Variants in PDGFA observed in about 807,000 individuals in gnomAD.
The protein encoded by PDGFA is platelet derived growth factor subunit A.
PDGFA carries 9 observed loss-of-function variants against 25.6 expected under a neutral mutation model. The observed-to-expected ratio is 0.35, with a 90% CI of 0.21 to 0.61. The LOEUF (loss-of-function observed/expected upper bound fraction) is 0.61, where lower values mean the gene tolerates loss of function less well. Among genes scored for constraint, PDGFA ranks in the 20% least tolerant of loss-of-function variants. The pLI is 0.75. For synonymous variants in PDGFA, 133 were observed against 111.8 expected, an observed-to-expected ratio of 1.19 and a Z score of -1.20; for missense variants, 242 against 272.8, an observed-to-expected ratio of 0.89 and a Z score of 0.79.
intron 3 of PDGFA, among the ~76,000 whole-genome samples, chr7:511,890 G>A (rs2128401638): frequency 6.6e-6 from 1 of 152,228 alleles, no homozygotes. Flanking sequence ...ACACGGGTGT[G>A]GTGAGGGTGT....
Position 500,644 on chromosome 7 carries a change from C to A in PDGFA, c.580+472G>T. 6.7e-7 allele frequency: 1 copy of A among 1,484,690 alleles called. No individual in the cohort carries two copies. The highest frequency in any genetic ancestry group is 8.9e-7 in the Non-Finnish European group (1 of 1,123,144). 92.0% of individuals were successfully genotyped at this position (1,484,690 alleles called of 1,614,324 possible). ...GCACCGAGAAACTTCTGAGTCCCCT[C>A]ATGCTCCCAGGGCCCAGCCATAGCA... On this transcript the variant is annotated intron_variant, in intron 5 of 5. Transcript: ENST00000402802. The surrounding 1 kb of genome is among the most constrained non-coding windows in gnomAD (Gnocchi z 5.0).
rs988463436 is a variant in PDGFA, at chr7:517,045, T to C, written c.160+349A>G. ...GCCCGCCCGGCGCACGGGCCAGGGCTCTGCGCCCAGGGTCTGGGCCGGATC... is the reference window on the plus strand; with the variant it reads ...GCCCGCCCGGCGCACGGGCCAGGGCCCTGCGCCCAGGGTCTGGGCCGGATC... On this transcript the variant is annotated intron_variant, in intron 2 of 5. Transcript: ENST00000402802. This position sits in a 1 kb window ranked among gnomAD's most constrained non-coding sequence, Gnocchi z 7.4. 4.0e-5 allele frequency among the ~76,000 whole-genome samples: 6 copies of C among 150,556 alleles called. No individual in the cohort carries two copies. Among genetic ancestry groups the C allele is most frequent in the Non-Finnish European group, 7.4e-5 (5 of 67,596 alleles).
At position 513,027 on chromosome 7, in the gene PDGFA, G is replaced by T. The variant is rs530935017; in HGVS notation, c.161-572C>A. 3.7e-5 allele frequency: 7 copies of T among 189,050 alleles called. No homozygotes were observed. The East Asian group carries it at 7.4e-4, about 20-fold the overall frequency. The allele number at this position is 189,050 out of a possible 1,614,324, so 11.7% of individuals were successfully genotyped here. A position where few individuals can be genotyped will look rare whatever the true frequency, so the allele number is the denominator to read the frequency against. On this transcript the variant is annotated intron_variant, in intron 2 of 5. Coordinates refer to ENST00000402802, the Ensembl canonical transcript of PDGFA. Reference sequence around the variant, plus strand: ...GGGGCACTGGAAGCCGCCAGACTGGGCTGCGGGCCAGACCCCACTCATTCC... The same window carrying T: ...GGGGCACTGGAAGCCGCCAGACTGGTCTGCGGGCCAGACCCCACTCATTCC...
chr7:507,012 GC>G (rs1782587165), intron 4 of PDGFA, among the ~76,000 whole-genome samples: 1 of 152,170 alleles, frequency 6.6e-6, no homozygotes, highest in Admixed American at 6.5e-5. Flanking sequence ...CCCCATCCAT[GC>G]CCACTCACAG....
At chr7:520,568 A>G (rs1000288632), upstream of PDGFA, 4 of 152,312 alleles carry the variant, frequency 2.6e-5, no homozygotes, top group Non-Finnish European at 4.4e-5. Context: ...CCCGCGCCGA[A>G]GGCAGGGCCG....
chr7:500,127 C>T lies in PDGFA; in HGVS notation c.580+989G>A, dbSNP rs940863539. Among the ~76,000 whole-genome samples, 75 of 152,218 alleles carry T rather than the reference C, an allele frequency of 4.9e-4. 1 individual carries two copies. Among genetic ancestry groups the T allele is most frequent in the Admixed American group, 2.6e-4 (4 of 15,278 alleles). ...GGCCAGGCGCTCAGAGCTGCCCCAC[C>T]GCTGCTCAGGTCGCCCAACCTGTTC... On this transcript the variant is annotated intron_variant, in intron 5 of 5. Coordinates refer to ENST00000402802, the Ensembl canonical transcript of PDGFA. The surrounding 1 kb of genome is among the most constrained non-coding windows in gnomAD (Gnocchi z 5.0).
chr7:518,908 C>A (rs1325123064), intron 1 of PDGFA, 31 bp downstream of exon 1: 1 of 1,471,294 alleles, frequency 6.8e-7, no homozygotes, highest in Non-Finnish European at 9.1e-7. Flanking sequence ...GAGGAGCCGG[C>A]GCAGGGACGG....
At chr7:497,869 T>TAAAAAAAAAAAAAAAA (rs377428492) in exon 6 of PDGFA, 1 of 24,982 alleles carries the variant, frequency 4.0e-5, no homozygotes, top group African/African-American at 2.2e-4. Context: ...AAGAGATAAT[T>TAAAAAAAAAAAAAAAA]AAAAAAAAAA....
chr7:498,615 C>T (rs1196327161), intron 5 of PDGFA, 41 bp from the exon 6 acceptor site: 1 of 1,603,604 alleles, frequency 6.2e-7, no homozygotes. Flanking sequence ...GACCACCGAC[C>T]AAGTGAACCA....
At chr7:514,480 C>G (rs1782998923) in intron 2 of PDGFA, among the ~76,000 whole-genome samples, 1 of 152,212 alleles carries the variant, frequency 6.6e-6, no homozygotes, top group African/African-American at 2.4e-5. Context: ...CTCACCAAAG[C>G]CGCCCACAGC....
At chr7:503,314 G>T (rs1272525377) in intron 4 of PDGFA, among the ~76,000 whole-genome samples, 1 of 152,108 alleles carries the variant, frequency 6.6e-6, no homozygotes, top group Non-Finnish European at 1.5e-5. Context: ...CGCATGCAGG[G>T]TCTAAATGCA....
At chr7:499,620 T>G (rs1782235793) in intron 5 of PDGFA, among the ~76,000 whole-genome samples, 1 of 149,368 alleles carries the variant, frequency 6.7e-6, no homozygotes, top group Admixed American at 6.9e-5. Flanking sequence ...AGGAGACATT[T>G]CCCAAGCTCC....
rs544910953 is a variant in PDGFA at position 501,799 on chromosome 7, C to G, written c.454-557G>C. On this transcript the variant is annotated intron_variant, in intron 4 of 5. Transcript: ENST00000402802. Reference sequence around the variant, plus strand: ...AAAGGTTCACGTGTGCCTGGGGGGGCTGAAGGATGCACACTGCTAAGGTGT... The same window carrying G: ...AAAGGTTCACGTGTGCCTGGGGGGGGTGAAGGATGCACACTGCTAAGGTGT... Among the ~76,000 whole-genome samples, 277 of 152,270 alleles carry G rather than the reference C, an allele frequency of 1.8e-3. 1 individual carries two copies. The highest frequency in any genetic ancestry group is 0.01 in the Middle Eastern group (3 of 294).
In PDGFA at chr7:498,250, T is replaced by G. The variant is rs971447085; in HGVS notation, c.*314A>C. The stretch of plus-strand genomic sequence containing the variant: ...TTCCATCCCACGGGGCGACCCTCCA[T>G]CTCATCGAGTTTAGATATTTTTGTG... On this transcript the variant is annotated 3_prime_UTR_variant, in exon 6 of 6. Transcript: ENST00000402802. 36 of 423,554 alleles carry G rather than the reference T, an allele frequency of 8.5e-5. 1 individual carries two copies. Among genetic ancestry groups the G allele is most frequent in the Non-Finnish European group, 1.3e-5 (3 of 231,676 alleles). The allele number at this position is 423,554 out of a possible 1,614,324, so 26.2% of individuals were successfully genotyped here.
rs917822308 is a variant in PDGFA, at chr7:515,094, C to T, written c.160+2300G>A. Among the ~76,000 whole-genome samples, 8 of 152,204 alleles carry T rather than the reference C, an allele frequency of 5.3e-5. No individual in the cohort carries two copies. In the East Asian group the frequency reaches 1.5e-3, roughly 29 times the overall value. ...GGAGGAGGAGTCAGCATAGCTGGGG[C>T]GCACCCCTGGGATTCCTCAAAGCCT... On this transcript the variant is annotated intron_variant, in intron 2 of 5. Transcript: ENST00000402802.
chr7:519,992 CA>C (rs1783304496), upstream of PDGFA: 2 of 361,272 alleles, frequency 5.5e-6, no homozygotes, highest in African/African-American at 2.4e-5. Context: ...GCGGACCCGG[CA>C]GGGCCCGGGC....
At position 503,093 on chromosome 7, in the gene PDGFA, A is replaced by G. The variant is rs28445656; in HGVS notation, c.454-1851T>C. Among the ~76,000 whole-genome samples, 982 of 152,156 alleles carry G rather than the reference A, an allele frequency of 6.5e-3. 5 individuals carry two copies. The highest frequency in any genetic ancestry group is 9.9e-3 in the Non-Finnish European group (673 of 67,988). The stretch of plus-strand genomic sequence containing the variant: ...CAGCACTCATTTCATCCTCCCAACC[A>G]TGCTACAAGGAGGCAAGACTGGCAC... On this transcript the variant is annotated intron_variant, in intron 4 of 5. Transcript: ENST00000402802.
At chr7:512,782 C>A in intron 2 of PDGFA, 1 of 723,678 alleles carries the variant, frequency 1.4e-6, no homozygotes, top group Non-Finnish European at 2.0e-6. Context: ...GTGCCTCCTC[C>A]AAGGTAGCCC....
intron 4 of PDGFA, among the ~76,000 whole-genome samples, chr7:508,590 T>TAAAAAAAAAACCC (rs1275774675): frequency 3.8e-5 from 5 of 130,892 alleles, no homozygotes; most frequent in Non-Finnish European, 7.9e-5. Flanking sequence ...AAAAAAAAAT[T>TAAAAAAAAAACCC]CTCAGCTGAG....
Sources: gnomAD v4.1 joint callset for allele counts (sites outside exome capture counted in the v4.1 genomes callset) on GRCh38, gnomAD v4.1.1 for gene constraint, Gnocchi (gnomAD v3.1) non-coding constraint, MANE v1.5 for transcripts, NCBI Gene and HGNC (gene_info 2026-07-23, HGNC 2026-07-21) for gene names.